Variants in GRAP2 observed in about 807,000 individuals in gnomAD.
GRAP2 encodes GRB2-related adapter protein 2.
A neutral mutation model predicts 43.5 loss-of-function variants in GRAP2; 31 were observed. The ratio of observed to expected loss-of-function variants is 0.71; its 90% CI spans 0.54 to 0.96. The LOEUF is 0.96. Among genes scored for constraint, GRAP2 ranks in the 40% least tolerant of loss-of-function variants. The pLI, the probability that GRAP2 is intolerant of heterozygous loss-of-function variation, is 0.00. For synonymous variants in GRAP2, 156 were observed against 164.8 expected, an observed-to-expected ratio of 0.95 and a Z score of 0.41; for missense variants, 371 against 424.4, an observed-to-expected ratio of 0.87 and a Z score of 1.11.
At chr22:39,933,621 A>G (rs1204894304) in intron 1 of GRAP2, among the ~76,000 whole-genome samples, 1 of 152,066 alleles carries the variant, frequency 6.6e-6, no homozygotes, top group Non-Finnish European at 1.5e-5. Flanking sequence ...CAGGTGGATC[A>G]TTAGAGGTCA....
At chr22:39,967,141 A>G (rs1358561245) in intron 5 of GRAP2, among the ~76,000 whole-genome samples, 1 of 152,246 alleles carries the variant, frequency 6.6e-6, no homozygotes, top group East Asian at 1.9e-4. Flanking sequence ...TGAGACTGTG[A>G]AAGCAATGTG....
At chr22:39,954,800 G>A (rs1018861119) in intron 2 of GRAP2, among the ~76,000 whole-genome samples, 3 of 152,240 alleles carry the variant, frequency 2.0e-5, no homozygotes, top group Non-Finnish European at 4.4e-5. Flanking sequence ...AGTCTGGTGA[G>A]TAATATGAGT....
Position 39,961,563 on chromosome 22 carries a change from C to T in GRAP2, c.290+1389C>T, listed in dbSNP as rs535761501. On this transcript the variant is annotated intron_variant, in intron 4 of 7. Coordinates refer to ENST00000344138, the MANE Select transcript of GRAP2 (RefSeq NM_004810.4). Reference sequence around the variant, plus strand: ...GTAACAGCGAAATCTCACTAAGGTGCAGCAACCCATAGGAAGTGACTCAGT... The same window carrying T: ...GTAACAGCGAAATCTCACTAAGGTGTAGCAACCCATAGGAAGTGACTCAGT... Among the ~76,000 whole-genome samples the T allele has an allele frequency of 7.9e-5, 12 of 152,318 alleles. No individual in the cohort carries two copies. In the South Asian group the frequency reaches 2.5e-3, roughly 32 times the overall value.
chr22:39,904,528 C>T (rs529244505), intron 1 of GRAP2, among the ~76,000 whole-genome samples: 17 of 152,214 alleles, frequency 1.1e-4, no homozygotes, highest in Non-Finnish European at 1.9e-4. Flanking sequence ...CCATCTATAC[C>T]TATTTCTTTC....
chr22:39,947,094 T>C lies in GRAP2; in HGVS notation c.-13T>C. ...ATGACCACATTATTTCTCTTCCAGC[T>C]TCACGTTACAGCATGGAAGCTGTTG... is the stretch of plus-strand genomic sequence containing the variant. On this transcript the variant is annotated splice_region_variant and 5_prime_UTR_variant, in exon 2 of 8. Coordinates refer to ENST00000344138, the MANE Select transcript of GRAP2 (RefSeq NM_004810.4). 1 of 1,567,248 alleles carries C rather than the reference T, an allele frequency of 6.4e-7. No individual in the cohort carries two copies. The highest frequency in any genetic ancestry group is 8.8e-7 in the Non-Finnish European group (1 of 1,137,176).
intron 1 of GRAP2, among the ~76,000 whole-genome samples, chr22:39,917,839 T>G (rs1040606862): frequency 2.0e-5 from 3 of 152,178 alleles, no homozygotes; most frequent in Admixed American, 2.0e-4. Flanking sequence ...CTTGCTCACA[T>G]ATTTGATTCG....
intron 6 of GRAP2, 196 bp downstream of exon 6, chr22:39,968,468 C>T (rs989673951): frequency 1.7e-6 from 1 of 590,142 alleles, no homozygotes; most frequent in Non-Finnish European, 3.0e-6. Context: ...AACACACACA[C>T]ACACACACAC....
upstream of GRAP2, among the ~76,000 whole-genome samples, chr22:39,897,605 C>T (rs1358711290): frequency 7.3e-5 from 11 of 151,308 alleles, no homozygotes; most frequent in African/African-American, 2.4e-4. Context: ...CTGCAACCTC[C>T]GCCTCCCGGG....
At chr22:39,929,615 G>T (rs1034070264) in intron 1 of GRAP2, among the ~76,000 whole-genome samples, 1 of 151,992 alleles carries the variant, frequency 6.6e-6, no homozygotes, top group Non-Finnish European at 1.5e-5. Context: ...GAACTCCTCC[G>T]CATGACCAAG....
intron 1 of GRAP2, among the ~76,000 whole-genome samples, chr22:39,938,742 G>A (rs548095614): frequency 9.2e-5 from 14 of 152,336 alleles, no homozygotes; most frequent in African/African-American, 3.1e-4. Flanking sequence ...AGCTCTGTTG[G>A]CGGCTTTCAG....
At chr22:39,958,418 T>C (rs984119829) in intron 3 of GRAP2, among the ~76,000 whole-genome samples, 12 of 152,164 alleles carry the variant, frequency 7.9e-5, no homozygotes, top group African/African-American at 2.4e-4. Flanking sequence ...TTTTGTTCTT[T>C]TGTGTGTGTC....
At chr22:39,956,084 CT>C (rs2067046996) in intron 3 of GRAP2, among the ~76,000 whole-genome samples, 174 bp downstream of exon 3, 1 of 151,950 alleles carries the variant, frequency 6.6e-6, no homozygotes, top group African/African-American at 2.4e-5. Flanking sequence ...AGGAGGGAGA[CT>C]TTGCATTTCA....
At chr22:39,899,117 G>A (rs2066476748), upstream of GRAP2, among the ~76,000 whole-genome samples, 1 of 152,166 alleles carries the variant, frequency 6.6e-6, no homozygotes, top group Admixed American at 6.5e-5. Flanking sequence ...CCACTCAAGT[G>A]GCCTTGCTTC....
intron 1 of GRAP2, among the ~76,000 whole-genome samples, chr22:39,922,296 C>T (rs1228815305): frequency 6.6e-6 from 1 of 152,066 alleles, no homozygotes; most frequent in Non-Finnish European, 1.5e-5. Context: ...GGATTAAGCT[C>T]AGGGAACAGC....
chr22:39,968,434 T>G, intron 6 of GRAP2, 162 bp downstream of exon 6: 1 of 678,212 alleles, frequency 1.5e-6, no homozygotes, highest in Non-Finnish European at 2.5e-6. Context: ...AAGACATCTC[T>G]ATGAATTAAA....
At chr22:39,905,394 T>C (rs951451125) in intron 1 of GRAP2, among the ~76,000 whole-genome samples, 6 of 152,132 alleles carry the variant, frequency 3.9e-5, no homozygotes, top group Non-Finnish European at 7.4e-5. Flanking sequence ...TAGTAGGTAA[T>C]GTTTATTGAG....
Position 39,970,921 on chromosome 22 carries a change from G to A in GRAP2, c.830G>A (p.Arg277Gln), listed in dbSNP as rs202203713. The change falls in exon 8 of 8, where the codon CGG becomes CAG. Residue 277 changes from arginine to glutamine, a missense_variant. Arg to Gln is a conservative substitution (Grantham distance 43). Coordinates refer to ENST00000344138, the MANE Select transcript of GRAP2 (RefSeq NM_004810.4). Reference protein sequence around the residue: ...LQAAGRVRWARALYDFEALED... With the variant: ...LQAAGRVRWAQALYDFEALED... ...CCCCAACAGCGAGTGCGGTGGGCCC[G>A]GGCGCTGTATGACTTTGAGGCCCTG... 120 of 1,608,654 alleles carry A rather than the reference G, an allele frequency of 7.5e-5. No homozygotes were observed. The highest frequency in any genetic ancestry group is 2.9e-4 in the East Asian group (13 of 44,740).
chr22:39,896,772 C>T (rs1480441888), upstream of GRAP2, among the ~76,000 whole-genome samples: 1 of 152,202 alleles, frequency 6.6e-6, no homozygotes, highest in Admixed American at 6.5e-5. Context: ...TCCTTCTTAT[C>T]TGCTTTCCTC....
chr22:39,937,311 A>G (rs1253131012), intron 1 of GRAP2, among the ~76,000 whole-genome samples: 1 of 152,174 alleles, frequency 6.6e-6, no homozygotes, highest in Non-Finnish European at 1.5e-5. Flanking sequence ...GGCAAAGTGT[A>G]GAAGCCTGGT....
Sources: gnomAD v4.1 joint callset for allele counts (sites outside exome capture counted in the v4.1 genomes callset) on GRCh38, gnomAD v4.1.1 for gene constraint, MANE v1.5 for transcripts, NCBI Gene and HGNC (gene_info 2026-07-23, HGNC 2026-07-21) for gene names.